ATG9B: variants seen among roughly 807,000 people sequenced by gnomAD.
ATG9B encodes autophagy-related protein 9B.
ATG9B carries 92 observed loss-of-function variants against 92.9 expected under a neutral mutation model. The observed-to-expected ratio is 0.99, with a 90% CI of 0.84 to 1.18. The LOEUF (loss-of-function observed/expected upper bound fraction) is 1.18. ATG9B is among the 50% of genes most tolerant of loss of function. The probability of loss-of-function intolerance (pLI) is 0.00; values close to 1 mark genes in which losing one functional copy is unlikely to be tolerated. For synonymous variants in ATG9B, 599 were observed against 551.4 expected (o/e 1.09, Z -1.21); for missense variants, 1,344 against 1,235.0 (o/e 1.09, Z -1.32).
In ATG9B at chr7:151,015,571, T is replaced by G. The variant is rs1205668508; in HGVS notation, c.*157A>C. 9 of 249,678 alleles carry G rather than the reference T, an allele frequency of 3.6e-5. No homozygotes were observed. The highest frequency in any genetic ancestry group is 6.8e-5 in the Non-Finnish European group (9 of 131,484). 15.5% of individuals were successfully genotyped at this position (249,678 alleles called of 1,614,324 possible). A position where few individuals can be genotyped will look rare whatever the true frequency, so the allele number is the denominator to read the frequency against. ...CCTCTCCTTGCCTACCTTTTCTCTG[T>G]TCTCGGGGCGAGTTCCTCACTGACT... On this transcript the variant is annotated 3_prime_UTR_variant, in exon 14 of 14. Transcript: ENST00000639579.
At position 151,016,448 on chromosome 7, in the gene ATG9B, C is replaced by T; in HGVS notation, c.2503G>A (p.Val835Ile). The change falls in exon 11 of 14, where the codon GTC (valine) becomes ATC (isoleucine). Residue 835 changes from valine (V) to isoleucine (I), a missense_variant. Val to Ile is a conservative substitution (Grantham distance 29). Transcript: ENST00000639579. Reference sequence around the variant, plus strand: ...CTACTCACCTGGTGCAGGTAGATGACATGGAGACTCATCTCGGCAGAAGCA... The same window carrying T: ...CTACTCACCTGGTGCAGGTAGATGATATGGAGACTCATCTCGGCAGAAGCA... The part of the protein sequence containing the change: ...ELASAEMSLH[V>I]IYLHQLHQQQ... 6 of 1,551,488 alleles carry T rather than the reference C, an allele frequency of 3.9e-6. No individual in the cohort carries two copies. Among genetic ancestry groups the T allele is most frequent in the Non-Finnish European group, 5.2e-6 (6 of 1,146,940 alleles).
intron 8 of ATG9B, 27 bp downstream of exon 8, chr7:151,017,843 AC>A: frequency 6.4e-7 from 1 of 1,557,134 alleles, no homozygotes; most frequent in South Asian, 1.2e-5. Context: ...CCCAGCCCAA[AC>A]CCCCAGGGCC....
chr7:151,013,010 G>A, downstream of ATG9B: 1 of 556,804 alleles, frequency 1.8e-6, no homozygotes, highest in Non-Finnish European at 3.1e-6. Context: ...GCTCCACCAG[G>A]GGCCACCACC....
downstream of ATG9B, chr7:151,012,329 G>C: frequency 6.5e-7 from 1 of 1,545,090 alleles, no homozygotes; most frequent in Non-Finnish European, 8.8e-7. Flanking sequence ...AAGGGGACCT[G>C]ATGGAGTGTC....
chr7:151,018,412 G>A lies in ATG9B; in HGVS notation c.1754C>T (p.Ala585Val), dbSNP rs752530568. The change falls in exon 7 of 14, where the codon GCG (alanine) becomes GTG (valine). Residue 585 changes from alanine to valine, a missense_variant. Coordinates refer to ENST00000639579, the MANE Select transcript of ATG9B (RefSeq NM_001317056.2). This position sits in a 1 kb window ranked among gnomAD's most constrained non-coding sequence, Gnocchi z 4.7. ...FIPEEQCQGRAPQLLLQTALA... is the reference protein window; with the variant it reads ...FIPEEQCQGRVPQLLLQTALA... ...GGCTGTCTGCAGCAGGAGCTGCGGCGCACGACCCTGGCACTGCTCTTCCGG... is the reference window on the plus strand; with the variant it reads ...GGCTGTCTGCAGCAGGAGCTGCGGCACACGACCCTGGCACTGCTCTTCCGG... The A allele has an allele frequency of 1.2e-5, 18 of 1,552,796 alleles. No homozygotes were observed. The highest frequency in any genetic ancestry group is 2.0e-5 in the Admixed American group (1 of 50,476).
chr7:151,017,986 C>G lies in ATG9B; in HGVS notation c.1937G>C (p.Arg646Pro). The G allele has an allele frequency of 6.2e-7, 1 of 1,605,098 alleles. No homozygotes were observed. Among genetic ancestry groups the G allele is most frequent in the Non-Finnish European group, 8.5e-7 (1 of 1,175,542 alleles). ...GTCGATAATCTCCAGGGCACGAGGG[C>G]GGAACCAGAAAAGCAGAAACAGCGG... ...LTPLFLLFWF[R>P]PRALEIIDFF... Residue 646 changes from arginine (R) to proline (P), a missense_variant, in exon 8 of 14, where the codon CGC (arginine) becomes CCC (proline). Arg to Pro is a moderately radical substitution (Grantham distance 103). Transcript: ENST00000639579.
In ATG9B at chr7:151,023,708, G is replaced by C; in HGVS notation, c.573C>G (p.Asn191Lys). Reference sequence around the variant, plus strand: ...ATATCTTGGTGAAGAAACTGTCCAGGTTCTGGATGTGATGCCAGGAGCCTG... The same window carrying C: ...ATATCTTGGTGAAGAAACTGTCCAGCTTCTGGATGTGATGCCAGGAGCCTG... ...GLRGSWHHIQ[N>K]LDSFFTKIYS... Residue 191 changes from asparagine (N) to lysine (K), a missense_variant, in exon 2 of 14, where the codon AAC becomes AAG. Physicochemically the swap from Asn to Lys is moderately conservative, Grantham distance 94. Coordinates refer to ENST00000639579, the MANE Select transcript of ATG9B (RefSeq NM_001317056.2). 6.2e-7 allele frequency: 1 copy of C among 1,614,074 alleles called. No homozygotes were observed. Among genetic ancestry groups the C allele is most frequent in the Non-Finnish European group, 8.5e-7 (1 of 1,180,030 alleles).
Position 151,019,119 on chromosome 7 carries a change from C to T in ATG9B, c.1219G>A (p.Gly407Ser). The change falls in exon 6 of 14, where the codon GGT (glycine) becomes AGT (serine). Residue 407 changes from glycine to serine, a missense_variant. Physicochemically the swap from Gly to Ser is moderately conservative, Grantham distance 56. Coordinates refer to ENST00000639579, the MANE Select transcript of ATG9B (RefSeq NM_001317056.2). Reference protein sequence around the residue: ...ALNVDLLLFRGPFSLFRGGWE... With the variant: ...ALNVDLLLFRSPFSLFRGGWE... ...CCCCCGCGGAAGAGCGAGAAGGGAC[C>T]GCGGAAGAGCAGCAGGTCGACATTG... The T allele has an allele frequency of 1.0e-5, 16 of 1,535,898 alleles. No individual in the cohort carries two copies. Among genetic ancestry groups the T allele is most frequent in the Non-Finnish European group, 1.4e-5 (16 of 1,146,634 alleles).
chr7:151,021,247 T>C lies in ATG9B; in HGVS notation c.904A>G (p.Asn302Asp), dbSNP rs1452147197. ...TGGATGTCCCAGTAGCTGAAGAGGT[T>C]GCAGACTGAGCGAAGCAGTTGGACC... ...WLVQLLRSVC[N>D]LFSYWDIQVF... Residue 302 changes from asparagine (N) to aspartate (D), a missense_variant, in exon 5 of 14, where the codon AAC (asparagine) becomes GAC (aspartate). Physicochemically the swap from Asn to Asp is conservative, Grantham distance 23 (BLOSUM62 1). Transcript: ENST00000639579. 4 of 1,613,356 alleles carry C rather than the reference T, an allele frequency of 2.5e-6. No homozygotes were observed. In the East Asian group the frequency reaches 8.9e-5, roughly 36 times the overall value.
chr7:151,024,427 G>T lies in ATG9B; in HGVS notation c.-4C>A. On this transcript the variant is annotated 5_prime_UTR_variant, in exon 1 of 14. Transcript: ENST00000639579. ...CCCAGCCCATTCGGCTCACCATCAG[G>T]CCACGGCTTCTCCAGAAAGGTTGGA... The T allele has an allele frequency of 1.5e-6, 2 of 1,345,070 alleles. No individual in the cohort carries two copies. Among genetic ancestry groups the T allele is most frequent in the South Asian group, 2.5e-5 (1 of 40,630 alleles). 83.3% of individuals were successfully genotyped at this position (1,345,070 alleles called of 1,614,324 possible). A position where few individuals can be genotyped will look rare whatever the true frequency, so the allele number is the denominator to read the frequency against.
downstream of ATG9B, chr7:151,013,779 T>C: frequency 6.2e-7 from 1 of 1,611,694 alleles, no homozygotes; most frequent in Non-Finnish European, 8.5e-7. Context: ...CACCGCGTGC[T>C]GTGCCTCGAG....
chr7:151,017,227 C>T lies in ATG9B; in HGVS notation c.2098G>A (p.Glu700Lys). The part of the protein sequence containing the change: ...QTEASLSQRA[E>K]DGKTELSLMR... ...AAAGAAAGCTCAGTCTTGCCGTCCTCCGCACGCTGAGACAGCGAGGCCTCA... is the reference window on the plus strand; with the variant it reads ...AAAGAAAGCTCAGTCTTGCCGTCCTTCGCACGCTGAGACAGCGAGGCCTCA... The change falls in exon 9 of 14, where the codon GAG becomes AAG. Residue 700 changes from glutamate to lysine, a missense_variant. By Grantham distance (56) the Glu-to-Lys change is moderately conservative. Coordinates refer to ENST00000639579, the MANE Select transcript of ATG9B (RefSeq NM_001317056.2). 1 of 1,610,136 alleles carries T rather than the reference C, an allele frequency of 6.2e-7. No homozygotes were observed. Among genetic ancestry groups the T allele is most frequent in the South Asian group, 1.1e-5 (1 of 90,932 alleles).
rs1375340038 is a variant in ATG9B at position 151,016,481 on chromosome 7, G to A, written c.2470C>T (p.Pro824Ser). ...GTGGQKLAQLPELASAEMSLH... is the reference protein window; with the variant it reads ...GTGGQKLAQLSELASAEMSLH... The stretch of plus-strand genomic sequence containing the variant: ...CTCATCTCGGCAGAAGCAAGTTCTG[G>A]GAGCTGGGCCAGCTTCTGGCCCCCA... Residue 824 changes from proline to serine, a missense_variant, in exon 11 of 14, where the codon CCA (proline) becomes TCA (serine). Transcript: ENST00000639579. 4 of 1,551,292 alleles carry A rather than the reference G, an allele frequency of 2.6e-6. No homozygotes were observed. The African/African-American group carries it at 5.5e-5, about 21-fold the overall frequency.
Position 151,018,808 on chromosome 7 carries a change from G to A in ATG9B, c.1530C>T (p.Ala510=), listed in dbSNP as rs1367246618. The A allele has an allele frequency of 6.2e-6, 8 of 1,298,746 alleles. No homozygotes were observed. Among genetic ancestry groups the A allele is most frequent in the Admixed American group, 8.3e-5 (2 of 23,996 alleles). 80.5% of individuals were successfully genotyped at this position (1,298,746 alleles called of 1,614,324 possible). ...RARLARAYRP[A]AAFLRTAAPP... ...GCGCAGCGGTGCGCAGGAAGGCGGC[G>A]GCGGGGCGGTAGGCGCGGGCCAGGC... Residue 510 remains alanine, a synonymous_variant, in exon 6 of 14, where the codon GCC becomes GCT. Transcript: ENST00000639579. This position sits in a 1 kb window ranked among gnomAD's most constrained non-coding sequence, Gnocchi z 4.7.
At position 151,024,353 on chromosome 7, in the gene ATG9B, G is replaced by A. The variant is rs368438639; in HGVS notation, c.71C>T (p.Ser24Leu). The change falls in exon 1 of 14, where the codon TCG (serine) becomes TTG (leucine). Residue 24 changes from serine (S) to leucine (L), a missense_variant. Transcript: ENST00000639579. The part of the protein sequence containing the change: ...LGRWGDLGPG[S>L]VPLLPMPLPP... Reference sequence around the variant, plus strand: ...CAGTGGCATGGGGAGGAGGGGCACCGATCCGGGCCCCAGATCTCCCCACCG... The same window carrying A: ...CAGTGGCATGGGGAGGAGGGGCACCAATCCGGGCCCCAGATCTCCCCACCG... 8.6e-5 allele frequency: 120 copies of A among 1,395,018 alleles called. No homozygotes were observed. Among genetic ancestry groups the A allele is most frequent in the Middle Eastern group, 2.0e-4 (1 of 5,094 alleles). The allele number at this position is 1,395,018 out of a possible 1,614,324, so 86.4% of individuals were successfully genotyped here. A position where few individuals can be genotyped will look rare whatever the true frequency, so the allele number is the denominator to read the frequency against.
downstream of ATG9B, chr7:151,012,955 C>T: frequency 2.0e-6 from 1 of 498,178 alleles, no homozygotes; most frequent in Non-Finnish European, 3.6e-6. Flanking sequence ...TCACACAATG[C>T]AAAGGGCATG....
At position 151,016,738 on chromosome 7, in the gene ATG9B, C is replaced by T. The variant is rs367683605; in HGVS notation, c.2373G>A (p.Ala791=). The T allele has an allele frequency of 3.8e-5, 62 of 1,612,056 alleles. No individual in the cohort carries two copies. The Admixed American group carries it at 6.4e-4, about 17-fold the overall frequency. ...TGGAGGCAAGGAGGCTGGCTGTGGC[C>T]GCAGCTGGACAGGGGGCTGTCGGGC... ...DLSPTAPCPA[A]ATASLLASIS... is the part of the protein sequence containing the mutation. Residue 791 remains alanine (A), a synonymous_variant, in exon 10 of 14, where the codon GCG becomes GCA. Transcript: ENST00000639579.
At chr7:151,015,072 C>T (rs1196502133), downstream of ATG9B, 1 of 152,240 alleles carries the variant, frequency 6.6e-6, no homozygotes, top group Non-Finnish European at 1.5e-5. Context: ...GTGCAGTTCT[C>T]AGGCTCGTGA....
At position 151,015,173 on chromosome 7, in the gene ATG9B, T is replaced by C. The variant is rs550614352; in HGVS notation, c.*555A>G. On this transcript the variant is annotated 3_prime_UTR_variant, in exon 14 of 14. Coordinates refer to ENST00000639579, the MANE Select transcript of ATG9B (RefSeq NM_001317056.2). ...ATGTGCAACAGCCATGAGCAAGCTTTACTGCTTATTTCATACAGGATGGGG... is the reference window on the plus strand; with the variant it reads ...ATGTGCAACAGCCATGAGCAAGCTTCACTGCTTATTTCATACAGGATGGGG... 4.6e-5 allele frequency: 7 copies of C among 152,334 alleles called. No homozygotes were observed. The highest frequency in any genetic ancestry group is 1.7e-4 in the African/African-American group (7 of 41,558). 9.4% of individuals were successfully genotyped at this position (152,334 alleles called of 1,614,324 possible). A position where few individuals can be genotyped will look rare whatever the true frequency, so the allele number is the denominator to read the frequency against.
Sources: gnomAD v4.1 joint callset for allele counts on GRCh38, gnomAD v4.1.1 for gene constraint, Gnocchi (gnomAD v3.1) non-coding constraint, MANE v1.5 for transcripts, NCBI Gene and HGNC (gene_info 2026-07-23, HGNC 2026-07-21) for gene names.